TANK: variants seen among roughly 807,000 people sequenced by gnomAD.
TANK encodes the protein TRAF family member associated NFKB activator.
Under a neutral mutation model 43.6 loss-of-function variants are expected in TANK, and 15 were observed. The observed-to-expected ratio is 0.34, with a 90% confidence interval of 0.23 to 0.53. TANK has a LOEUF of 0.53. TANK is among the 20% of genes least tolerant of loss of function. TANK has a pLI of 0.94. For synonymous variants in TANK, 162 were observed against 178.2 expected, an observed-to-expected ratio of 0.91 and a Z score of 0.73; for missense variants, 417 against 498.6, an observed-to-expected ratio of 0.84 and a Z score of 1.56.
chr2:161,180,931 A>G (rs1320894161), intron 2 of TANK, among the ~76,000 whole-genome samples: 2 of 148,880 alleles, frequency 1.3e-5, no homozygotes, highest in African/African-American at 5.0e-5. Context: ...AGGATTGATC[A>G]CATAGGCACC....
intron 4 of TANK, chr2:161,216,529 C>T (rs534653912): frequency 5.1e-6 from 2 of 389,720 alleles, no homozygotes; most frequent in African/African-American, 4.3e-5. Flanking sequence ...GTTCATTCCC[C>T]TTTGACATGA....
chr2:161,209,936 C>A lies in TANK; in HGVS notation c.327+5143C>A, dbSNP rs1180811630. Among the ~76,000 whole-genome samples the A allele has an allele frequency of 1.3e-5, 2 of 152,080 alleles. 1 individual carries two copies. The highest frequency in any genetic ancestry group is 2.9e-5 in the Non-Finnish European group (2 of 68,002). On this transcript the variant is annotated intron_variant, in intron 4 of 7. Coordinates refer to ENST00000392749, the MANE Select transcript of TANK (RefSeq NM_001199135.3). Reference sequence around the variant, plus strand: ...ATATGAAGTGAACATGGTATGAGTTCACTAATTAAATAGAGTTTATGTGTT... The same window carrying A: ...ATATGAAGTGAACATGGTATGAGTTAACTAATTAAATAGAGTTTATGTGTT...
chr2:161,211,673 A>G lies in TANK; in HGVS notation c.327+6880A>G, dbSNP rs887074604. ...TGTAATTGCATGTGTTTGTTACTCA[A>G]CTTTTTAAAAATTTGCCCCTGAATT... On this transcript the variant is annotated intron_variant, in intron 4 of 7. Transcript: ENST00000392749. The G allele has an allele frequency of 7.1e-6, 5 of 707,352 alleles. No homozygotes were observed. In the African/African-American group the frequency reaches 7.8e-5, roughly 11 times the overall value. The allele number at this position is 707,352 out of a possible 1,614,324, so 43.8% of individuals were successfully genotyped here.
At chr2:161,175,941 G>T (rs1685155415) in intron 1 of TANK, among the ~76,000 whole-genome samples, 1 of 152,102 alleles carries the variant, frequency 6.6e-6, no homozygotes, top group African/African-American at 2.4e-5. Flanking sequence ...TACCTTCAGG[G>T]ATTTCAGAAT....
At position 161,223,962 on chromosome 2, in the gene TANK, G is replaced by C; in HGVS notation, c.375G>C (p.Arg125Ser). Residue 125 changes from arginine to serine, a missense_variant, in exon 5 of 8, where the codon AGG becomes AGC. Arg to Ser is a moderately radical substitution (Grantham distance 110). Transcript: ENST00000392749. ...VSSPRKETSA[R>S]SLGSPLLHER... ...CTCCTAGAAAAGAAACTTCAGCAAG[G>C]AGTCTTGGCAGTCCTTTGCTCCATG... 1 of 1,601,884 alleles carries C rather than the reference G, an allele frequency of 6.2e-7. No homozygotes were observed. Among genetic ancestry groups the C allele is most frequent in the South Asian group, 1.1e-5 (1 of 89,474 alleles).
rs190832603 is a variant in TANK, at chr2:161,223,308, A to G, written c.328-607A>G. On this transcript the variant is annotated intron_variant, in intron 4 of 7. Coordinates refer to ENST00000392749, the MANE Select transcript of TANK (RefSeq NM_001199135.3). The stretch of plus-strand genomic sequence containing the variant: ...TGTTGATTTTTAAATGTCAGAATAG[A>G]TGTAATACCAGTGTAAGCCACAGGG... 10 of 152,196 alleles carry G rather than the reference A, an allele frequency of 6.6e-5. No homozygotes were observed. The East Asian group carries it at 1.9e-3, about 29-fold the overall frequency. The allele number at this position is 152,196 out of a possible 1,614,324, so 9.4% of individuals were successfully genotyped here. A position where few individuals can be genotyped will look rare whatever the true frequency, so the allele number is the denominator to read the frequency against.
At chr2:161,154,735 A>G (rs1475297295) in intron 1 of TANK, among the ~76,000 whole-genome samples, 1 of 151,982 alleles carries the variant, frequency 6.6e-6, no homozygotes, top group Non-Finnish European at 1.5e-5. Context: ...TAACATAAAA[A>G]TTAAGCATAC....
chr2:161,137,845 A>C (rs998454540), intron 1 of TANK: 2 of 152,416 alleles, frequency 1.3e-5, no homozygotes, highest in Non-Finnish European at 2.9e-5. Flanking sequence ...ATGGTGGTAC[A>C]TGTCTGTAAT....
chr2:161,175,535 T>C (rs1440261312), intron 1 of TANK, among the ~76,000 whole-genome samples: 1 of 152,146 alleles, frequency 6.6e-6, no homozygotes, highest in Non-Finnish European at 1.5e-5. Context: ...GCAAATACCT[T>C]GTTCTGATTG....
chr2:161,224,014 C>T, intron 5 of TANK, 23 bp downstream of exon 5: 4 of 1,472,010 alleles, frequency 2.7e-6, no homozygotes, highest in Non-Finnish European at 1.9e-6. Flanking sequence ...CCTTTTTTCT[C>T]AACTCTTAAA....
Position 161,179,720 on chromosome 2 carries a change from T to C in TANK, c.58T>C (p.Cys20Arg). The C allele has an allele frequency of 6.2e-7, 1 of 1,612,914 alleles. No individual in the cohort carries two copies. The highest frequency in any genetic ancestry group is 8.5e-7 in the Non-Finnish European group (1 of 1,179,328). The change falls in exon 2 of 8, where the codon TGC (cysteine) becomes CGC (arginine). Residue 20 changes from cysteine (C) to arginine (R), a missense_variant. Cys to Arg is a radical substitution (Grantham distance 180). Transcript: ENST00000392749. Reference protein sequence around the residue: ...NKAYEAFRQACMDRDSAVKEL... With the variant: ...NKAYEAFRQARMDRDSAVKEL... ...AGCGTATGAAGCCTTCCGGCAGGCA[T>C]GCATGGATAGAGATTCTGCAGTAAA...
At chr2:161,173,757 C>T (rs1416724272) in intron 1 of TANK, among the ~76,000 whole-genome samples, 1 of 151,956 alleles carries the variant, frequency 6.6e-6, no homozygotes, top group Non-Finnish European at 1.5e-5. Flanking sequence ...TTTCACTTTC[C>T]CAGGGAGAAA....
intron 1 of TANK, among the ~76,000 whole-genome samples, chr2:161,169,280 T>A (rs546970711): frequency 2.0e-5 from 3 of 152,186 alleles, no homozygotes; most frequent in African/African-American, 7.2e-5. Flanking sequence ...TCTGAATATA[T>A]TGAGGAGTTG....
intron 6 of TANK, among the ~76,000 whole-genome samples, chr2:161,226,256 G>A (rs1687610317): frequency 6.6e-6 from 1 of 152,118 alleles, no homozygotes; most frequent in South Asian, 2.1e-4. Context: ...AGAACACTGA[G>A]TATTTAACTT....
chr2:161,190,440 C>A lies in TANK; in HGVS notation c.99+10679C>A, dbSNP rs75388994. ...AGAATTACCATATGATTCAGCAATC[C>A]TACTACTCTTGGTTACATACCCAGA... On this transcript the variant is annotated intron_variant, in intron 2 of 7. Transcript: ENST00000392749. 6.4e-3 allele frequency among the ~76,000 whole-genome samples: 974 copies of A among 152,228 alleles called. 11 individuals carry two copies. The highest frequency in any genetic ancestry group is 0.022 in the African/African-American group (911 of 41,548).
At chr2:161,147,407 A>G (rs544430734) in intron 1 of TANK, among the ~76,000 whole-genome samples, 16 of 141,102 alleles carry the variant, frequency 1.1e-4, no homozygotes, top group Admixed American at 4.4e-4. Context: ...GCTGTTGAGA[A>G]TCAGTGCAAC....
intron 1 of TANK, among the ~76,000 whole-genome samples, chr2:161,155,105 T>G (rs903914290): frequency 6.6e-5 from 10 of 152,146 alleles, no homozygotes; most frequent in African/African-American, 2.4e-4. Context: ...TTAAAAAAAC[T>G]AAAATGATAC....
At chr2:161,194,409 G>C (rs984183389) in intron 2 of TANK, among the ~76,000 whole-genome samples, 1 of 152,064 alleles carries the variant, frequency 6.6e-6, no homozygotes, top group African/African-American at 2.4e-5. Flanking sequence ...CAGATGCTAT[G>C]ATGTATTAAC....
intron 1 of TANK, among the ~76,000 whole-genome samples, chr2:161,154,917 G>A (rs1192363288): frequency 3.3e-5 from 5 of 151,996 alleles, no homozygotes; most frequent in African/African-American, 1.2e-4. Flanking sequence ...GCTAATTTTT[G>A]TACTTTTAGT....
Sources: allele counts gnomAD v4.1 joint callset (sites outside exome capture counted in the v4.1 genomes callset), GRCh38; gene constraint gnomAD v4.1.1; transcripts MANE v1.5; gene names NCBI Gene and HGNC (gene_info 2026-07-23, HGNC 2026-07-21).